GRM6: variants seen among roughly 807,000 people sequenced by gnomAD.
GRM6 encodes the protein metabotropic glutamate receptor 6.
GRM6 carries 73 observed loss-of-function variants against 78.4 expected under a neutral mutation model. The observed-to-expected ratio is 0.93, with a 90% CI of 0.77 to 1.13. The LOEUF (loss-of-function observed/expected upper bound fraction) is 1.13, where lower values mean the gene tolerates loss of function less well. Among genes scored for constraint, GRM6 ranks in the 50% most tolerant of loss-of-function variants. The pLI, the probability that GRM6 is intolerant of heterozygous loss-of-function variation, is 0.00. For synonymous variants in GRM6, 580 were observed against 555.0 expected, an observed-to-expected ratio of 1.05 and a Z score of -0.63; for missense variants, 1,251 against 1,256.4, an observed-to-expected ratio of 1.00 and a Z score of 0.07.
chr5:178,992,706 T>A lies in GRM6; in HGVS notation c.505-623A>T, dbSNP rs1195548172. On this transcript the variant is annotated intron_variant, in intron 2 of 10. Coordinates refer to ENST00000517717, the MANE Select transcript of GRM6 (RefSeq NM_000843.4). This position sits in a 1 kb window ranked among gnomAD's most constrained non-coding sequence, Gnocchi z 4.9. Reference sequence around the variant, plus strand: ...GCTGAGAAGGCCGCCAAGAGGGGGCTATGGGGCTCCAGCGCAAGAGGGGCT... The same window carrying A: ...GCTGAGAAGGCCGCCAAGAGGGGGCAATGGGGCTCCAGCGCAAGAGGGGCT... 6.6e-6 allele frequency among the ~76,000 whole-genome samples: 1 copy of A among 150,774 alleles called. No homozygotes were observed. The highest frequency in any genetic ancestry group is 2.5e-5 in the African/African-American group (1 of 40,814).
intron 9 of GRM6, chr5:178,983,577 A>G (rs1760450397): frequency 2.3e-6 from 1 of 443,254 alleles, no homozygotes; most frequent in African/African-American, 2.0e-5. Context: ...TTCAAGGTAG[A>G]TGGATGTGGC....
chr5:178,987,026 C>G, intron 7 of GRM6, 43 bp from the exon 8 acceptor site: 3 of 1,600,514 alleles, frequency 1.9e-6, no homozygotes, highest in Non-Finnish European at 2.6e-6. Flanking sequence ...TCCAGCCCAG[C>G]AGAGCTGGCC....
rs1760748569 is a variant in GRM6, at chr5:178,994,999, G to A, written c.-16-39C>T. The A allele has an allele frequency of 8.3e-6, 9 of 1,079,304 alleles. No individual in the cohort carries two copies. The African/African-American group carries it at 1.3e-4, about 16-fold the overall frequency. The allele number at this position is 1,079,304 out of a possible 1,614,324, so 66.9% of individuals were successfully genotyped here. On this transcript the variant is annotated intron_variant, in intron 1 of 10. Transcript: ENST00000517717. Reference sequence around the variant, plus strand: ...GAGGGGCGGGGAGCGCTCTGAGGGCGGGGGAAGGAGAGCGCGGGCTCGGGG... The same window carrying A: ...GAGGGGCGGGGAGCGCTCTGAGGGCAGGGGAAGGAGAGCGCGGGCTCGGGG...
chr5:178,987,466 G>T (rs1264892824), intron 7 of GRM6: 5 of 456,790 alleles, frequency 1.1e-5, no homozygotes, highest in Non-Finnish European at 4.4e-6. Flanking sequence ...ACAATGGGAT[G>T]CGATTCAGCC....
chr5:178,991,672 T>C lies in GRM6; in HGVS notation c.722-113A>G, dbSNP rs1203746047. 1 of 1,327,072 alleles carries C rather than the reference T, an allele frequency of 7.5e-7. No individual in the cohort carries two copies. The highest frequency in any genetic ancestry group is 1.1e-6 in the Non-Finnish European group (1 of 925,988). 82.2% of individuals were successfully genotyped at this position (1,327,072 alleles called of 1,614,324 possible). On this transcript the variant is annotated intron_variant, in intron 3 of 10. Transcript: ENST00000517717. This position sits in a 1 kb window ranked among gnomAD's most constrained non-coding sequence, Gnocchi z 5.0. ...CTGAAGGGTCTGCAGGGGTGAAGTC[T>C]GGCCTGCACCCTCCGCCAAGCCTGA... is the stretch of plus-strand genomic sequence containing the variant.
intron 9 of GRM6, chr5:178,985,188 C>T (rs888651415): frequency 4.1e-4 from 180 of 440,984 alleles, no homozygotes; most frequent in African/African-American, 1.1e-3. Context: ...ACAGGAAAAC[C>T]GGTCAGATAG....
chr5:178,994,927 T>C lies in GRM6; in HGVS notation c.18A>G (p.Arg6=). Residue 6 remains arginine, a synonymous_variant, in exon 2 of 11, where the codon AGA becomes AGG. Transcript: ENST00000517717. ...GCGCCACGAGCAGCGGCTCCCGGGC[T>C]CTCCGGGGCCGCGCCATCGGCTCGT... MARPR[R]AREPLLVALL... 1 of 1,188,630 alleles carries C rather than the reference T, an allele frequency of 8.4e-7. No homozygotes were observed. The highest frequency in any genetic ancestry group is 1.0e-6 in the Non-Finnish European group (1 of 960,478). 73.6% of individuals were successfully genotyped at this position (1,188,630 alleles called of 1,614,324 possible).
intron 7 of GRM6, chr5:178,987,412 C>T (rs764823282): frequency 1.0e-4 from 48 of 459,010 alleles, no homozygotes; most frequent in Middle Eastern, 6.4e-4. Context: ...GCAACCCGAG[C>T]GTCCACTGAC....
In GRM6 at chr5:178,982,994, G is replaced by A. The variant is rs377039216; in HGVS notation, c.2352C>T (p.Pro784=). 3.2e-5 allele frequency: 52 copies of A among 1,613,972 alleles called. No individual in the cohort carries two copies. Among genetic ancestry groups the A allele is most frequent in the South Asian group, 1.4e-4 (13 of 91,092 alleles). ...AGGTGGTGTACATGGTGAAGCCGAT[G>A]GGCTTGGCCTCGTTGAAGGTCTCGG... ...GVPETFNEAK[P]IGFTMYTTCI... is the part of the protein sequence containing the mutation. The change falls in exon 10 of 11, where the codon CCC becomes CCT. Residue 784 remains proline (P), a synonymous_variant. Coordinates refer to ENST00000517717, the MANE Select transcript of GRM6 (RefSeq NM_000843.4).
Position 178,989,343 on chromosome 5 carries a change from C to G in GRM6, c.1075G>C (p.Glu359Gln). The G allele has an allele frequency of 1.2e-6, 2 of 1,613,938 alleles. No homozygotes were observed. Among genetic ancestry groups the G allele is most frequent in the Non-Finnish European group, 1.7e-6 (2 of 1,179,902 alleles). Reference protein sequence around the residue: ...ENNRRNIWFAEFWEENFNCKL... With the variant: ...ENNRRNIWFAQFWEENFNCKL... ...CAGTTAAAATTCTCTTCCCAGAACTCGGCGAACCAGATGTTCCTGCGGTTG... is the reference window on the plus strand; with the variant it reads ...CAGTTAAAATTCTCTTCCCAGAACTGGGCGAACCAGATGTTCCTGCGGTTG... The change falls in exon 6 of 11, where the codon GAG (glutamate) becomes CAG (glutamine). Residue 359 changes from glutamate (E) to glutamine (Q), a missense_variant. Transcript: ENST00000517717.
rs1760666237 is a variant in GRM6, at chr5:178,991,301, T to TC, written c.857+122_857+123insG. On this transcript the variant is annotated intron_variant, in intron 4 of 10. Coordinates refer to ENST00000517717, the MANE Select transcript of GRM6 (RefSeq NM_000843.4). This position sits in a 1 kb window ranked among gnomAD's most constrained non-coding sequence, Gnocchi z 5.0. ...GACTCAGAGGCAGCAGCAGGGAAGG[T>TC]GGGGGGTGCGGGGAGCAGGGGAAAG... The TC allele has an allele frequency of 3.2e-6, 3 of 946,570 alleles. No homozygotes were observed. The highest frequency in any genetic ancestry group is 4.8e-5 in the East Asian group (2 of 41,680). 58.6% of individuals were successfully genotyped at this position (946,570 alleles called of 1,614,324 possible).
rs1760737660 is a variant in GRM6, at chr5:178,994,520, G to C, written c.425C>G (p.Pro142Arg). ...GGVPPLRPAP[P>R]ERVVAVVGAS... ...GCCCACGACGGCCACGACGCGCTCGGGGGGCGCGGGGCGCAGCGGAGGGAC... is the reference window on the plus strand; with the variant it reads ...GCCCACGACGGCCACGACGCGCTCGCGGGGCGCGGGGCGCAGCGGAGGGAC... Residue 142 changes from proline (P) to arginine (R), a missense_variant, in exon 2 of 11, where the codon CCC becomes CGC. By Grantham distance (103) the Pro-to-Arg change is moderately radical (BLOSUM62 -2). Coordinates refer to ENST00000517717, the MANE Select transcript of GRM6 (RefSeq NM_000843.4). 4 of 1,403,468 alleles carry C rather than the reference G, an allele frequency of 2.9e-6. No individual in the cohort carries two copies. Among genetic ancestry groups the C allele is most frequent in the South Asian group, 1.5e-5 (1 of 65,268 alleles). The allele number at this position is 1,403,468 out of a possible 1,614,324, so 86.9% of individuals were successfully genotyped here.
chr5:178,983,150 C>T lies in GRM6; in HGVS notation c.2196G>A (p.Thr732=), dbSNP rs2071247. 279,661 of 1,613,502 alleles carry T rather than the reference C, an allele frequency of 0.17. 26,373 individuals are homozygous for T. Among genetic ancestry groups the T allele is most frequent in the East Asian group, 0.39 (17,660 of 44,852 alleles). ...CCCCTCTGGCCTGCTCGGGGTCCAC[C>T]GTCCGCTGTTCCTCATAGTCAATCA... The part of the protein sequence containing the change: ...HSVIDYEEQR[T]VDPEQARGVL... The change falls in exon 10 of 11, where the codon ACG becomes ACA. Residue 732 remains threonine, a synonymous_variant. Coordinates refer to ENST00000517717, the MANE Select transcript of GRM6 (RefSeq NM_000843.4).
In GRM6 at chr5:178,988,957, G is replaced by A; in HGVS notation, c.1332C>T (p.Tyr444=). The change falls in exon 7 of 11, where the codon TAC becomes TAT. Residue 444 remains tyrosine (Y), a synonymous_variant. Coordinates refer to ENST00000517717, the MANE Select transcript of GRM6 (RefSeq NM_000843.4). This position sits in a 1 kb window ranked among gnomAD's most constrained non-coding sequence, Gnocchi z 6.0. ...EPTDGRMLLQ[Y]IRAVRFNGSA... ...CACCATTGAAGCGGACAGCTCGAAT[G>A]TACTGCAGAAGCATCCGCCCATCAG... 1.2e-6 allele frequency: 2 copies of A among 1,613,548 alleles called. No homozygotes were observed. Among genetic ancestry groups the A allele is most frequent in the Non-Finnish European group, 1.7e-6 (2 of 1,179,852 alleles).
intron 6 of GRM6, 65 bp from the exon 7 acceptor site, chr5:178,989,200 T>TGCCC: frequency 7.5e-7 from 1 of 1,333,670 alleles, no homozygotes; most frequent in Admixed American, 2.1e-5. Context: ...CCTCCCGCCT[T>TGCCC]CCCCCTCCCC....
chr5:178,981,670 T>C lies in GRM6; in HGVS notation c.2621A>G (p.Glu874Gly). ...CCACCTGCCCTGCTACTTGTGGGCC[T>C]CTGCATCCTCGCCCTTGGGTGGGGC... ...VAAPPKGEDA[E>G]AHK The change falls in exon 11 of 11, where the codon GAG becomes GGG. Residue 874 changes from glutamate (E) to glycine (G), a missense_variant. By Grantham distance (98) the Glu-to-Gly change is moderately conservative. Coordinates refer to ENST00000517717, the MANE Select transcript of GRM6 (RefSeq NM_000843.4). This position sits in a 1 kb window ranked among gnomAD's most constrained non-coding sequence, Gnocchi z 5.1. 1 of 1,613,698 alleles carries C rather than the reference T, an allele frequency of 6.2e-7. No homozygotes were observed. Among genetic ancestry groups the C allele is most frequent in the East Asian group, 2.2e-5 (1 of 44,872 alleles).
intron 7 of GRM6, chr5:178,987,380 T>C (rs1319908941): frequency 2.4e-5 from 11 of 464,808 alleles, no homozygotes; most frequent in Non-Finnish European, 4.3e-5. Context: ...AGCAGCGTTA[T>C]TCACATAGCC....
intron 9 of GRM6, chr5:178,985,255 A>G (rs1292432103): frequency 2.2e-6 from 1 of 456,504 alleles, no homozygotes; most frequent in Non-Finnish European, 4.4e-6. Flanking sequence ...TTGGTTTAGA[A>G]AATAACTTCA....
rs1347470858 is a variant in GRM6 at position 178,986,345 on chromosome 5, T to C, written c.1909A>G (p.Ile637Val). 1 of 1,614,104 alleles carries C rather than the reference T, an allele frequency of 6.2e-7. No homozygotes were observed. The highest frequency in any genetic ancestry group is 1.6e-4 in the Middle Eastern group (1 of 6,062). Residue 637 changes from isoleucine (I) to valine (V), a missense_variant, in exon 9 of 11, where the codon ATC (isoleucine) becomes GTC (valine). By Grantham distance (29) the Ile-to-Val change is conservative. Transcript: ENST00000517717. ...GGCTCAGCCACCATGAGGAAGGTGA[T>C]GGCGTAGATGAGGAAGATGCCGGTG... ...LLTGIFLIYA[I>V]TFLMVAEPGA...
Sources: gnomAD v4.1 joint callset for allele counts (sites outside exome capture counted in the v4.1 genomes callset) on GRCh38, gnomAD v4.1.1 for gene constraint, Gnocchi (gnomAD v3.1) non-coding constraint, MANE v1.5 for transcripts, NCBI Gene and HGNC (gene_info 2026-07-23, HGNC 2026-07-21) for gene names.